The following CHTF18 variants were observed in gnomAD, a reference collection of about 807,000 sequenced individuals.
The protein encoded by CHTF18 is chromosome transmission fidelity protein 18 homolog.
A neutral mutation model predicts 113.4 loss-of-function variants in CHTF18; 151 were observed. The observed-to-expected ratio is 1.33, with a 90% CI of 1.17 to 1.52. The LOEUF is 1.52. Among genes scored for constraint, CHTF18 ranks in the 40% most tolerant of loss-of-function variants. CHTF18 has a pLI of 0.00. For synonymous variants in CHTF18, 916 were observed against 598.8 expected, an observed-to-expected ratio of 1.53 and a Z score of -7.74; for missense variants, 1,982 against 1,381.6, an observed-to-expected ratio of 1.43 and a Z score of -6.89.
intron 4 of CHTF18, 171 bp from the exon 5 acceptor site, chr16:790,006 G>C (rs1250804185): frequency 1.3e-6 from 2 of 1,535,270 alleles, no homozygotes; most frequent in Non-Finnish European, 1.7e-6. Context: ...TCCCTTTGCA[G>C]CTGACCCATC....
At chr16:790,323 G>T (rs983907644) in intron 5 of CHTF18, 24 bp from the exon 6 acceptor site, 2 of 1,612,086 alleles carry the variant, frequency 1.2e-6, no homozygotes, top group Middle Eastern at 1.6e-4. Context: ...GAGCCCTCCT[G>T]ATTCCAGCCT....
rs74405798 is a variant in CHTF18, at chr16:797,986, C to T, written c.*11C>T. ...AGGGACTTGCTCTAGTTCTCTGAGC[C>T]GCGGACATGCCCTCGCATTGCTTCC... On this transcript the variant is annotated 3_prime_UTR_variant, in exon 22 of 22. Transcript: ENST00000262315. 3,916 of 1,605,506 alleles carry T rather than the reference C, an allele frequency of 2.4e-3. 80 individuals carry two copies. The African/African-American group carries it at 0.044, about 18-fold the overall frequency.
chr16:795,866 C>A, intron 17 of CHTF18, 32 bp downstream of exon 17: 1 of 1,606,634 alleles, frequency 6.2e-7, no homozygotes, highest in East Asian at 2.2e-5. Context: ...GGGGATTCCC[C>A]GCCTGCTGCC....
intron 18 of CHTF18, 182 bp from the exon 19 acceptor site, chr16:796,535 C>CT: frequency 3.0e-6 from 2 of 671,460 alleles, no homozygotes; most frequent in South Asian, 4.2e-5. Flanking sequence ...GTTGGGGAAA[C>CT]TGAGGCTCGG....
Position 790,697 on chromosome 16 carries a change from G to A in CHTF18, c.894+31G>A, listed in dbSNP as rs1226167994. ...GTCTTGTTCTCACTCAAGTGTGGCT[G>A]GCTTCCTCTGTTCCCAAGATGGAAG... is the stretch of plus-strand genomic sequence containing the variant. On this transcript the variant is annotated intron_variant, in intron 7 of 21. Coordinates refer to ENST00000262315, the MANE Select transcript of CHTF18 (RefSeq NM_022092.3). 32 of 1,502,268 alleles carry A rather than the reference G, an allele frequency of 2.1e-5. No homozygotes were observed. In the Admixed American group the frequency reaches 2.5e-4, roughly 12 times the overall value. The allele number at this position is 1,502,268 out of a possible 1,614,324, so 93.1% of individuals were successfully genotyped here.
chr16:796,061 A>G lies in CHTF18; in HGVS notation c.2440A>G (p.Ile814Val). Residue 814 changes from isoleucine (I) to valine (V), a missense_variant, in exon 18 of 22, where the codon ATC becomes GTC. By Grantham distance (29) the Ile-to-Val change is conservative. Transcript: ENST00000262315. ...RQERTPDGQY[I>V]YRLEPNVEEL... ...GGAGCGCACGCCCGATGGCCAGTAC[A>G]TCTACAGGCTGGAGCCGTGAGTCCC... 3.7e-6 allele frequency: 6 copies of G among 1,604,132 alleles called. No homozygotes were observed. Among genetic ancestry groups the G allele is most frequent in the Non-Finnish European group, 4.3e-6 (5 of 1,176,286 alleles).
rs745492371 is a variant in CHTF18 at position 789,607 on chromosome 16, C to T, written c.498C>T (p.Pro166=). 8.1e-6 allele frequency: 13 copies of T among 1,608,740 alleles called. No individual in the cohort carries two copies. Among genetic ancestry groups the T allele is most frequent in the South Asian group, 2.2e-5 (2 of 90,970 alleles). ...GGGCCTCACCAGCTGCCCGCAATCC[C>T]GTCCTGAGGCGGCCCCCCATCTTGG... ...LTRASPAARN[P]VLRRPPILED... The change falls in exon 4 of 22, where the codon CCC becomes CCT. Residue 166 remains proline, a synonymous_variant. Coordinates refer to ENST00000262315, the MANE Select transcript of CHTF18 (RefSeq NM_022092.3).
Position 792,892 on chromosome 16 carries a change from TC to T in CHTF18, c.1573-70del, listed in dbSNP as rs1299698743. 3.9e-6 allele frequency: 6 copies of T among 1,528,904 alleles called. No individual in the cohort carries two copies. The East Asian group carries it at 1.5e-4, about 38-fold the overall frequency. The allele number at this position is 1,528,904 out of a possible 1,614,324, so 94.7% of individuals were successfully genotyped here. ...GTTCTGGCCCCTGTTTCCCTGCCCC[TC>T]CCCATGGAACCCTGGTAACCCCTGA... On this transcript the variant is annotated intron_variant, in intron 12 of 21. Transcript: ENST00000262315.
In CHTF18 at chr16:792,437, A is replaced by G. The variant is rs765037511; in HGVS notation, c.1327-2A>G. 10 of 1,561,094 alleles carry G rather than the reference A, an allele frequency of 6.4e-6. No individual in the cohort carries two copies. The highest frequency in any genetic ancestry group is 8.7e-6 in the Non-Finnish European group (10 of 1,153,062). On this transcript the variant is annotated splice_acceptor_variant, in intron 10 of 21. Coordinates refer to ENST00000262315, the MANE Select transcript of CHTF18 (RefSeq NM_022092.3). LOFTEE classifies it high-confidence loss of function. ...TCACCGTGTCCTCTGACCTCCCCCAAGGCCGCCATCAACGTCCTCCTGAGC... is the reference window on the plus strand; with the variant it reads ...TCACCGTGTCCTCTGACCTCCCCCAGGGCCGCCATCAACGTCCTCCTGAGC...
chr16:796,510 C>T (rs1396305355), intron 18 of CHTF18: 18 of 615,686 alleles, frequency 2.9e-5, no homozygotes, highest in Middle Eastern at 4.4e-4. Flanking sequence ...CATCATCATC[C>T]CACGTACACT....
Position 796,839 on chromosome 16 carries a change from C to T in CHTF18, c.2579C>T (p.Ala860Val). Residue 860 changes from alanine (A) to valine (V), a missense_variant, in exon 19 of 22, where the codon GCC becomes GTC. Ala to Val is a moderately conservative substitution (Grantham distance 64). Transcript: ENST00000262315. Reference protein sequence around the residue: ...VEKMRRAEASARVENSPQVDG... With the variant: ...VEKMRRAEASVRVENSPQVDG... ...AAGATGCGGCGGGCGGAGGCTTCTG[C>T]CCGGGTAGAGAACAGCCCCCAGGTG... 1 of 1,605,934 alleles carries T rather than the reference C, an allele frequency of 6.2e-7. No homozygotes were observed.
intron 14 of CHTF18, chr16:793,650 G>C: frequency 1.9e-6 from 1 of 537,388 alleles, no homozygotes; most frequent in South Asian, 1.9e-5. Flanking sequence ...TTGGCCTCCC[G>C]TGGGCAGGAG....
In CHTF18 at chr16:790,352, G is replaced by C; in HGVS notation, c.705G>C (p.Arg235=). 1 of 1,611,392 alleles carries C rather than the reference G, an allele frequency of 6.2e-7. No homozygotes were observed. Among genetic ancestry groups the C allele is most frequent in the Non-Finnish European group, 8.5e-7 (1 of 1,179,500 alleles). ...SLKKQVDGER[R]ERLLQEAQKL... ...CCAGCCTGTTGTTTGCACAGCGGCG[G>C]GAGCGGCTGCTTCAGGAGGCCCAGA... Residue 235 remains arginine (R), a synonymous_variant, in exon 6 of 22, where the codon CGG becomes CGC. Coordinates refer to ENST00000262315, the MANE Select transcript of CHTF18 (RefSeq NM_022092.3).
chr16:790,249 A>G lies in CHTF18; in HGVS notation c.679A>G (p.Lys227Glu). 1 of 1,607,250 alleles carries G rather than the reference A, an allele frequency of 6.2e-7. No individual in the cohort carries two copies. Residue 227 changes from lysine (K) to glutamate (E), a missense_variant, in exon 5 of 22, where the codon AAG (lysine) becomes GAG (glutamate). Coordinates refer to ENST00000262315, the MANE Select transcript of CHTF18 (RefSeq NM_022092.3). ...GCTGGGTGTGTCCTTAGCCTCCCTG[A>G]AGAAGCAGGTCGACGGCGAGGTAGG... The part of the protein sequence containing the change: ...DLLGVSLASL[K>E]KQVDGERRER...
rs1330530839 is a variant in CHTF18, at chr16:791,467, G to A, written c.1104+97G>A. The A allele has an allele frequency of 2.1e-6, 3 of 1,461,726 alleles. No homozygotes were observed. The African/African-American group carries it at 4.2e-5, about 21-fold the overall frequency. The allele number at this position is 1,461,726 out of a possible 1,614,324, so 90.5% of individuals were successfully genotyped here. ...TGTTGACTTTCTCCAGGAGCCGTGG[G>A]TGTGGTGACGTGTGGGTCTTGGCGT... On this transcript the variant is annotated intron_variant, in intron 8 of 21. Transcript: ENST00000262315.
In CHTF18 at chr16:789,631, G is replaced by C; in HGVS notation, c.522G>C (p.Leu174Phe). ...RNPVLRRPPI[L>F]EDYVHVTSTE... Reference sequence around the variant, plus strand: ...CCGTCCTGAGGCGGCCCCCCATCTTGGAGGACTACGTCCACGTGACATCCA... The same window carrying C: ...CCGTCCTGAGGCGGCCCCCCATCTTCGAGGACTACGTCCACGTGACATCCA... The change falls in exon 4 of 22, where the codon TTG (leucine) becomes TTC (phenylalanine). Residue 174 changes from leucine (L) to phenylalanine (F), a missense_variant. By Grantham distance (22) the Leu-to-Phe change is conservative. Transcript: ENST00000262315. The C allele has an allele frequency of 6.2e-7, 1 of 1,607,942 alleles. No individual in the cohort carries two copies.
intron 14 of CHTF18, 94 bp downstream of exon 14, chr16:793,368 G>C (rs2042254803): frequency 6.8e-7 from 1 of 1,467,498 alleles, no homozygotes; most frequent in Admixed American, 2.2e-5. Flanking sequence ...CTTCGAGGCG[G>C]GGACTCAGTG....
chr16:791,677 T>A (rs912934567), intron 8 of CHTF18, 174 bp from the exon 9 acceptor site: 2 of 1,427,762 alleles, frequency 1.4e-6, no homozygotes, highest in Non-Finnish European at 1.8e-6. Flanking sequence ...GTAGGTTTTT[T>A]TTTCCGTTGC....
chr16:791,504 A>G lies in CHTF18; in HGVS notation c.1104+134A>G, dbSNP rs2042194497. 7 of 1,443,204 alleles carry G rather than the reference A, an allele frequency of 4.9e-6. No homozygotes were observed. The Admixed American group carries it at 1.6e-4, about 33-fold the overall frequency. 89.4% of individuals were successfully genotyped at this position (1,443,204 alleles called of 1,614,324 possible). A position where few individuals can be genotyped will look rare whatever the true frequency, so the allele number is the denominator to read the frequency against. ...GTGGGTCTTGGCGTGAAGCGCCATT[A>G]GCGTGAGTTAGAACTGGAGCGTTGC... is the stretch of plus-strand genomic sequence containing the variant. On this transcript the variant is annotated intron_variant, in intron 8 of 21. Coordinates refer to ENST00000262315, the MANE Select transcript of CHTF18 (RefSeq NM_022092.3).
Sources: gnomAD v4.1 joint callset for allele counts on GRCh38, gnomAD v4.1.1 for gene constraint, MANE v1.5 for transcripts, NCBI Gene and HGNC (gene_info 2026-07-23, HGNC 2026-07-21) for gene names.